Variants in CIC observed in about 807,000 individuals in gnomAD.
The protein encoded by CIC is capicua transcriptional repressor, also known as protein capicua homolog.
CIC carries 18 observed loss-of-function variants against 115.7 expected under a neutral mutation model. The ratio of observed to expected loss-of-function variants is 0.16; its 90% CI spans 0.11 to 0.23. CIC has a LOEUF of 0.23. Ranked by LOEUF, CIC falls within the 10% of genes least tolerant of loss-of-function variation. The pLI is 1.00. For missense variants in CIC, 2,000 were observed against 2,159.3 expected (o/e 0.93, Z 1.46); for synonymous variants, 1,076 against 923.0 (o/e 1.17, Z -3.01).
intron 2 of CIC, among the ~76,000 whole-genome samples, chr19:42,282,684 C>T (rs2037313737): frequency 6.6e-6 from 1 of 152,244 alleles, no homozygotes; most frequent in Non-Finnish European, 1.5e-5. Flanking sequence ...TGGGCTGGTA[C>T]ATCTTGACTG....
Position 42,272,307 on chromosome 19 carries a change from T to G in CIC, c.524T>G (p.Leu175Arg), listed in dbSNP as rs1268231042. ...TDTASEHSAD[L>R]EDEPAEACGP... Reference sequence around the variant, plus strand: ...ACAGCCAGCGAGCACTCGGCGGACCTGGAGGATGAGCCGGCTGAGGCTTGT... The same window carrying G: ...ACAGCCAGCGAGCACTCGGCGGACCGGGAGGATGAGCCGGCTGAGGCTTGT... The change falls in exon 2 of 21, where the codon CTG becomes CGG. Residue 175 changes from leucine to arginine, a missense_variant. Physicochemically the swap from Leu to Arg is moderately radical, Grantham distance 102. This residue lies in a region of CIC where 222 missense variants were observed against 247.7 expected (regional missense o/e 0.90). Coordinates refer to ENST00000681038, the MANE Select transcript of CIC (RefSeq NM_001386298.1). 2.5e-6 allele frequency: 1 copy of G among 398,422 alleles called. No homozygotes were observed. The highest frequency in any genetic ancestry group is 3.6e-5 in the East Asian group (1 of 28,070). 24.7% of individuals were successfully genotyped at this position (398,422 alleles called of 1,614,324 possible).
At chr19:42,289,508 T>C in intron 9 of CIC, 102 bp downstream of exon 9, 4 of 1,326,508 alleles carry the variant, frequency 3.0e-6, no homozygotes, top group Non-Finnish European at 4.2e-6. Context: ...TTTGTTTTCT[T>C]TTCCACTTGG....
chr19:42,292,017 G>A, intron 12 of CIC, 69 bp from the exon 13 acceptor site: 2 of 1,607,936 alleles, frequency 1.2e-6, no homozygotes, highest in Non-Finnish European at 1.7e-6. Context: ...CCCACTTGAG[G>A]TCTTGGTCTT....
chr19:42,286,254 C>G (rs1568501146), intron 2 of CIC, among the ~76,000 whole-genome samples: 1 of 152,124 alleles, frequency 6.6e-6, no homozygotes, highest in Non-Finnish European at 1.5e-5. Context: ...ACCCCACAGC[C>G]TGTGCATAGT....
intron 2 of CIC, among the ~76,000 whole-genome samples, chr19:42,282,060 A>C (rs1419604520): frequency 1.3e-5 from 2 of 152,114 alleles, no homozygotes; most frequent in Non-Finnish European, 2.9e-5. Flanking sequence ...GGCCACATTG[A>C]TTTCAGCCTC....
In CIC at chr19:42,270,017, GA is replaced by G. The variant is rs894231501; in HGVS notation, c.-11+639del. 2.6e-5 allele frequency among the ~76,000 whole-genome samples: 4 copies of G among 152,140 alleles called. No homozygotes were observed. Among genetic ancestry groups the G allele is most frequent in the Non-Finnish European group, 5.9e-5 (4 of 68,016 alleles). On this transcript the variant is annotated intron_variant, in intron 1 of 20. Coordinates refer to ENST00000681038, the MANE Select transcript of CIC (RefSeq NM_001386298.1). The surrounding 1 kb of genome is among the most constrained non-coding windows in gnomAD (Gnocchi z 4.1). ...GACAGGAAGAGAGTAGGCCCTAGGG[GA>G]AAGAAAGCAGCTCTGGGGCGAAGAG...
In CIC at chr19:42,294,098, G is replaced by T. The variant is rs1244525911; in HGVS notation, c.6922+9G>T. On this transcript the variant is annotated intron_variant, in intron 18 of 20. Transcript: ENST00000681038. ...GAGGAAGAACTCCACGGGTAGGCGA[G>T]CATTGGGCACCCAGGGTCCTTAGGT... 4.3e-6 allele frequency: 7 copies of T among 1,613,542 alleles called. No homozygotes were observed. Among genetic ancestry groups the T allele is most frequent in the Non-Finnish European group, 5.9e-6 (7 of 1,180,030 alleles).
rs1416277206 is a variant in CIC, at chr19:42,293,147, T to C, written c.6388T>C (p.Ser2130Pro). The part of the protein sequence containing the change: ...GPVREPTAPE[S>P]ELEGQPTPPA... ...AGTCCGAGAGCCAACTGCCCCAGAG[T>C]CTGAGCTTGAGGGGCAGCCCACACC... is the stretch of plus-strand genomic sequence containing the variant. Residue 2130 changes from serine (S) to proline (P), a missense_variant, in exon 16 of 21, where the codon TCT (serine) becomes CCT (proline). Transcript: ENST00000681038. 6.2e-7 allele frequency: 1 copy of C among 1,607,056 alleles called. No homozygotes were observed. The highest frequency in any genetic ancestry group is 1.7e-5 in the Admixed American group (1 of 59,056).
At position 42,272,028 on chromosome 19, in the gene CIC, C is replaced by T. The variant is rs1252921159; in HGVS notation, c.245C>T (p.Pro82Leu). 4 of 398,828 alleles carry T rather than the reference C, an allele frequency of 1.0e-5. No homozygotes were observed. The highest frequency in any genetic ancestry group is 1.8e-5 in the Non-Finnish European group (4 of 226,258). The allele number at this position is 398,828 out of a possible 1,614,324, so 24.7% of individuals were successfully genotyped here. A position where few individuals can be genotyped will look rare whatever the true frequency, so the allele number is the denominator to read the frequency against. The change falls in exon 2 of 21, where the codon CCT becomes CTT. Residue 82 changes from proline (P) to leucine (L), a missense_variant. By Grantham distance (98) the Pro-to-Leu change is moderately conservative. Transcript: ENST00000681038. ...GAEGPPLELH[P>L]GDPAPGPAED... ...GAAGGTCCTCCACTGGAGCTGCACCCTGGCGACCCGGCTCCAGGCCCAGCA... is the reference window on the plus strand; with the variant it reads ...GAAGGTCCTCCACTGGAGCTGCACCTTGGCGACCCGGCTCCAGGCCCAGCA...
rs1320940155 is a variant in CIC at position 42,289,241 on chromosome 19, G to A, written c.3922G>A (p.Gly1308Arg). ...PKPSTQYGAPGPFAAPGEGGA... is the reference protein window; with the variant it reads ...PKPSTQYGAPRPFAAPGEGGA... ...GCCTTCTACCCAGTATGGAGCTCCA[G>A]GACCCTTTGCAGCCCCTGGTGAGGG... Residue 1308 changes from glycine to arginine, a missense_variant, in exon 9 of 21, where the codon GGA becomes AGA. Transcript: ENST00000681038. 6.2e-7 allele frequency: 1 copy of A among 1,613,642 alleles called. No homozygotes were observed. The highest frequency in any genetic ancestry group is 8.5e-7 in the Non-Finnish European group (1 of 1,180,032).
chr19:42,287,085 A>C lies in CIC; in HGVS notation c.3024A>C (p.Gly1008=), dbSNP rs756818623. The C allele has an allele frequency of 1.9e-6, 3 of 1,613,176 alleles. No individual in the cohort carries two copies. The East Asian group carries it at 6.7e-5, about 36-fold the overall frequency. Residue 1008 remains glycine, a synonymous_variant, in exon 4 of 21, where the codon GGA becomes GGC. Coordinates refer to ENST00000681038, the MANE Select transcript of CIC (RefSeq NM_001386298.1). This position sits in a 1 kb window ranked among gnomAD's most constrained non-coding sequence, Gnocchi z 8.7. The part of the protein sequence containing the change: ...TGSADPERPP[G]ATCPESPGPG... ...GTGCTGACCCTGAGCGGCCCCCTGG[A>C]GCCACATGCCCTGAGAGCCCAGGAC...
At chr19:42,282,776 G>T (rs1453696574) in intron 2 of CIC, among the ~76,000 whole-genome samples, 5 of 152,064 alleles carry the variant, frequency 3.3e-5, no homozygotes, top group African/African-American at 1.2e-4. Flanking sequence ...TACCTCCCTA[G>T]GTGGCTGTGA....
intron 2 of CIC, among the ~76,000 whole-genome samples, chr19:42,276,158 G>A (rs932231199): frequency 2.6e-5 from 4 of 152,250 alleles, no homozygotes; most frequent in African/African-American, 9.6e-5. Flanking sequence ...GCAGAGGAAA[G>A]AGTTTGTGCA....
intron 2 of CIC, among the ~76,000 whole-genome samples, chr19:42,285,607 G>A (rs1019371168): frequency 3.3e-5 from 5 of 152,216 alleles, no homozygotes; most frequent in Admixed American, 6.5e-5. Flanking sequence ...GTCACCTCAG[G>A]TCAGGTTGAT....
In CIC at chr19:42,289,201, G is replaced by C. The variant is rs761480043; in HGVS notation, c.3882G>C (p.Ser1294=). The stretch of plus-strand genomic sequence containing the variant: ...TGCAGATGGTGTCTGGCCCTGCATC[G>C]TACTCTGGCCCAAAGCCTTCTACCC... ...ELTQMVSGPA[S]YSGPKPSTQY... Residue 1294 remains serine (S), a synonymous_variant, in exon 9 of 21, where the codon TCG becomes TCC. Transcript: ENST00000681038. The C allele has an allele frequency of 6.2e-7, 1 of 1,613,144 alleles. No homozygotes were observed. Among genetic ancestry groups the C allele is most frequent in the Admixed American group, 1.7e-5 (1 of 60,030 alleles).
At chr19:42,294,803 C>G (rs746550495) in intron 20 of CIC, 21 bp from the exon 21 acceptor site, 137 of 1,605,870 alleles carry the variant, frequency 8.5e-5, no homozygotes, top group Non-Finnish European at 1.1e-4. Flanking sequence ...CCTGTGCTCC[C>G]CACCGTTTTT....
Position 42,290,878 on chromosome 19 carries a change from ACAG to A in CIC, c.4841_4843del (p.Ala1614del), listed in dbSNP as rs1276539308. 6 of 1,612,988 alleles carry A rather than the reference ACAG, an allele frequency of 3.7e-6. No individual in the cohort carries two copies. In the African/African-American group the frequency reaches 8.0e-5, roughly 22 times the overall value. Reference sequence around the variant, plus strand: ...CCGGGCTGAGGCGTCTCCAAATGACACAGCAGGTGCCAGGACTGAAATGGGCAC... The same window carrying A: ...CCGGGCTGAGGCGTCTCCAAATGACACAGGTGCCAGGACTGAAATGGGCAC... On this transcript the variant is annotated inframe_deletion, in exon 11 of 21. Transcript: ENST00000681038.
rs370518329 is a variant in CIC, at chr19:42,282,540, C to G, written c.2795-4231C>G. On this transcript the variant is annotated intron_variant, in intron 2 of 20. Coordinates refer to ENST00000681038, the MANE Select transcript of CIC (RefSeq NM_001386298.1). Reference sequence around the variant, plus strand: ...TGCCTGTGTCTTTGTGTGAGCCCCCCTCGCCTTTCTGTGGTCCACGTGGCT... The same window carrying G: ...TGCCTGTGTCTTTGTGTGAGCCCCCGTCGCCTTTCTGTGGTCCACGTGGCT... 9.2e-5 allele frequency among the ~76,000 whole-genome samples: 14 copies of G among 152,370 alleles called. No individual in the cohort carries two copies. In the East Asian group the frequency reaches 2.5e-3, roughly 27 times the overall value.
At chr19:42,277,427 A>C (rs888371174) in intron 2 of CIC, among the ~76,000 whole-genome samples, 1 of 152,062 alleles carries the variant, frequency 6.6e-6, no homozygotes, top group African/African-American at 2.4e-5. Context: ...CCGAGGTTTC[A>C]CCATGTTGGC....
Sources: gnomAD v4.1 joint callset for allele counts (sites outside exome capture counted in the v4.1 genomes callset) on GRCh38, gnomAD v4.1.1 for gene constraint, gnomAD v4.1.1 regional missense constraint, Gnocchi (gnomAD v3.1) non-coding constraint, MANE v1.5 for transcripts, NCBI Gene and HGNC (gene_info 2026-07-23, HGNC 2026-07-21) for gene names.